The following COL9A1 variants were observed in gnomAD, a reference collection of about 807,000 sequenced individuals.
COL9A1 encodes collagen type IX alpha 1 chain.
Under a neutral mutation model 142.6 loss-of-function variants are expected in COL9A1, and 104 were observed. The ratio of observed to expected loss-of-function variants is 0.73; its 90% CI spans 0.62 to 0.86. The LOEUF is 0.86. Ranked by LOEUF, COL9A1 falls within the 40% of genes least tolerant of loss-of-function variation. COL9A1 has a pLI of 0.00. For synonymous variants in COL9A1, 466 were observed against 396.0 expected (o/e 1.18, Z -2.10); for missense variants, 1,210 against 1,176.6 (o/e 1.03, Z -0.42).
At chr6:70,257,121 C>T (rs1407608387) in intron 20 of COL9A1, among the ~76,000 whole-genome samples, 10 of 138,040 alleles carry the variant, frequency 7.2e-5, no homozygotes, top group Non-Finnish European at 1.2e-4. Flanking sequence ...AGTGCAGTGG[C>T]GCCATCTTGG....
chr6:70,286,166 G>T (rs1017087612), intron 5 of COL9A1, among the ~76,000 whole-genome samples: 2 of 152,102 alleles, frequency 1.3e-5, no homozygotes, highest in African/African-American at 4.8e-5. Context: ...GGATTATAAG[G>T]TGTGAGCCAC....
In COL9A1 at chr6:70,232,689, A is replaced by T; in HGVS notation, c.2397T>A (p.Gly799=). 1.2e-6 allele frequency: 2 copies of T among 1,613,926 alleles called. No individual in the cohort carries two copies. The highest frequency in any genetic ancestry group is 1.7e-6 in the Non-Finnish European group (2 of 1,179,990). Residue 799 remains glycine (G), a synonymous_variant, in exon 36 of 38, where the codon GGT becomes GGA. Coordinates refer to ENST00000357250, the MANE Select transcript of COL9A1 (RefSeq NM_001851.6). Reference sequence around the variant, plus strand: ...CATTCTCTCCAGGAGGGCCGGGGGGACCAGGAGGGCCAGGCCTTCCAGGAA... The same window carrying T: ...CATTCTCTCCAGGAGGGCCGGGGGGTCCAGGAGGGCCAGGCCTTCCAGGAA... The part of the protein sequence containing the change: ...TGLPGRPGPP[G]PPGPPGENGF...
rs181584054 is a variant in COL9A1, at chr6:70,235,383, G to A, written c.2113-443C>T. On this transcript the variant is annotated intron_variant, in intron 33 of 37. Transcript: ENST00000357250. ...CAGGAGAATCGCTTGAACCCAGGAG[G>A]TGGAGGTTGCAGTAAGCGGAGATCG... Among the ~76,000 whole-genome samples, 650 of 152,250 alleles carry A rather than the reference G, an allele frequency of 4.3e-3. 2 individuals carry two copies. Among genetic ancestry groups the A allele is most frequent in the Middle Eastern group, 0.014 (4 of 294 alleles).
chr6:70,225,588 A>T (rs934281023), intron 37 of COL9A1, among the ~76,000 whole-genome samples: 1 of 83,772 alleles, frequency 1.2e-5, no homozygotes, highest in Non-Finnish European at 2.9e-5. Flanking sequence ...ATTTTAGATT[A>T]AAAAAAAAAA....
intron 19 of COL9A1, 145 bp from the exon 20 acceptor site, chr6:70,260,855 C>T: frequency 1.5e-6 from 1 of 681,548 alleles, no homozygotes; most frequent in Non-Finnish European, 2.4e-6. Context: ...TATAGACAAA[C>T]ATTTCTAGTT....
At chr6:70,239,006 G>T (rs1770078442) in intron 33 of COL9A1, among the ~76,000 whole-genome samples, 1 of 152,124 alleles carries the variant, frequency 6.6e-6, no homozygotes. Flanking sequence ...GGGCATGGTG[G>T]TGCATGCCTG....
intron 4 of COL9A1, among the ~76,000 whole-genome samples, chr6:70,296,017 C>A (rs1773836548): frequency 6.6e-6 from 1 of 152,106 alleles, no homozygotes; most frequent in African/African-American, 2.4e-5. Context: ...TTATGTAGCC[C>A]TCTTTAATTT....
chr6:70,254,678 G>T (rs1346667992), intron 24 of COL9A1, 149 bp from the exon 25 acceptor site: 10 of 731,354 alleles, frequency 1.4e-5, no homozygotes, highest in Middle Eastern at 2.6e-4. Context: ...AATTTAGGGT[G>T]GGGGAGTAGG....
intron 10 of COL9A1, among the ~76,000 whole-genome samples, chr6:70,277,384 T>C (rs1192654200): frequency 6.6e-6 from 1 of 151,868 alleles, no homozygotes; most frequent in East Asian, 1.9e-4. Flanking sequence ...AGGGCAGATT[T>C]GAGTTGAAAT....
chr6:70,283,936 T>A (rs751380067), intron 5 of COL9A1, 116 bp from the exon 6 acceptor site: 1 of 778,614 alleles, frequency 1.3e-6, no homozygotes, highest in Non-Finnish European at 2.3e-6. Flanking sequence ...CTTGAACTGG[T>A]TGAGCACACT....
chr6:70,238,869 T>C (rs574552406), intron 33 of COL9A1, among the ~76,000 whole-genome samples: 63 of 152,368 alleles, frequency 4.1e-4, no homozygotes, highest in African/African-American at 1.4e-3. Flanking sequence ...CCGGGTGTGG[T>C]GGCTCACACC....
rs1289915201 is a variant in COL9A1 at position 70,232,505 on chromosome 6, A to G, written c.2503+78T>C. 32 of 1,496,340 alleles carry G rather than the reference A, an allele frequency of 2.1e-5. No individual in the cohort carries two copies. The Admixed American group carries it at 5.2e-4, about 24-fold the overall frequency. 92.7% of individuals were successfully genotyped at this position (1,496,340 alleles called of 1,614,324 possible). On this transcript the variant is annotated intron_variant, in intron 36 of 37. Transcript: ENST00000357250. ...GGATATTCAGAAATTGGTAAAACAT[A>G]AATTCCTCGAGCTTGATACAGATTA...
intron 18 of COL9A1, among the ~76,000 whole-genome samples, chr6:70,265,003 G>A (rs1335415343): frequency 6.6e-6 from 1 of 152,002 alleles, no homozygotes; most frequent in African/African-American, 2.4e-5. Flanking sequence ...ATTCTGCAAT[G>A]AGCTATGGCC....
chr6:70,274,149 A>G (rs1772590534), intron 11 of COL9A1, 67 bp from the exon 12 acceptor site: 4 of 1,301,536 alleles, frequency 3.1e-6, no homozygotes, highest in Middle Eastern at 1.9e-4. Flanking sequence ...TGAAAACTGC[A>G]TAAATATTGA....
In COL9A1 at chr6:70,300,115, C is replaced by G; in HGVS notation, c.227G>C (p.Arg76Thr). The change falls in exon 4 of 38, where the codon AGA (arginine) becomes ACA (threonine). Residue 76 changes from arginine (R) to threonine (T), a missense_variant. Physicochemically the swap from Arg to Thr is moderately conservative, Grantham distance 71. Transcript: ENST00000357250. ...CTGCAATGTAGCTGATCCCACTACT[C>G]TCTGGATAGCTCTTCTAGATGCTGC... ...DKAASRRAIQ[R>T]VVGSATLQVA... The G allele has an allele frequency of 6.2e-7, 1 of 1,613,844 alleles. No homozygotes were observed. Among genetic ancestry groups the G allele is most frequent in the Non-Finnish European group, 8.5e-7 (1 of 1,179,830 alleles).
intron 4 of COL9A1, among the ~76,000 whole-genome samples, chr6:70,297,001 T>C (rs1383323991): frequency 6.6e-6 from 1 of 152,096 alleles, no homozygotes; most frequent in Non-Finnish European, 1.5e-5. Context: ...CTTTAAAAAG[T>C]CTATTTTGTT....
chr6:70,273,114 A>C (rs3806092), intron 12 of COL9A1, among the ~76,000 whole-genome samples: 9,288 of 152,272 alleles, frequency 0.061, 369 homozygotes, highest in Non-Finnish European at 0.091. Flanking sequence ...CAGGAAAAAC[A>C]AGCAAGAACT....
chr6:70,223,625 G>A (rs907286073), intron 37 of COL9A1, among the ~76,000 whole-genome samples: 6 of 152,314 alleles, frequency 3.9e-5, no homozygotes, highest in Middle Eastern at 3.4e-3. Context: ...GGCCGACCTC[G>A]AAACCCAAGC....
In COL9A1 at chr6:70,280,344, G is replaced by A. The variant is rs565579636; in HGVS notation, c.975+468C>T. The A allele has an allele frequency of 7.3e-4, 874 of 1,194,112 alleles. 4 individuals are homozygous for A. Among genetic ancestry groups the A allele is most frequent in the South Asian group, 2.3e-3 (70 of 30,840 alleles). The allele number at this position is 1,194,112 out of a possible 1,614,324, so 74.0% of individuals were successfully genotyped here. A position where few individuals can be genotyped will look rare whatever the true frequency, so the allele number is the denominator to read the frequency against. On this transcript the variant is annotated intron_variant, in intron 10 of 37. Transcript: ENST00000357250. ...TTCCTTGGGATTTAGGAGTGCTCTG[G>A]CCCTTTGCCTACCTGCAGGATCTTT...
Sources: allele counts gnomAD v4.1 joint callset (sites outside exome capture counted in the v4.1 genomes callset), GRCh38; gene constraint gnomAD v4.1.1; transcripts MANE v1.5; gene names NCBI Gene and HGNC (gene_info 2026-07-23, HGNC 2026-07-21).